Variants in PRPSAP1 observed in about 807,000 individuals in gnomAD.
The protein encoded by PRPSAP1 is phosphoribosyl pyrophosphate synthase-associated protein 1.
In PRPSAP1, 31 loss-of-function variants were observed where a neutral mutation model predicts 39.4. The observed-to-expected ratio is 0.79, with a 90% CI of 0.59 to 1.06. The LOEUF is 1.06. PRPSAP1 is among the 50% of genes least tolerant of loss of function. The pLI, the probability that PRPSAP1 is intolerant of heterozygous loss-of-function variation, is 0.00. For synonymous variants in PRPSAP1, 212 were observed against 192.6 expected (o/e 1.10, Z -0.83); for missense variants, 430 against 511.6 (o/e 0.84, Z 1.54).
At chr17:76,331,167 T>C (rs2071317790) in intron 4 of PRPSAP1, among the ~76,000 whole-genome samples, 1 of 152,210 alleles carries the variant, frequency 6.6e-6, no homozygotes, top group African/African-American at 2.4e-5. Flanking sequence ...GTTTCAAGTA[T>C]TCTTATAGAA....
At chr17:76,332,493 A>G (rs2071333459) in intron 3 of PRPSAP1, 58 bp from the exon 4 acceptor site, 1 of 1,589,296 alleles carries the variant, frequency 6.3e-7, no homozygotes, top group East Asian at 2.2e-5. Context: ...CCTAGAAAAG[A>G]TCTTGACTTT....
intron 7 of PRPSAP1, among the ~76,000 whole-genome samples, chr17:76,315,701 T>C (rs913426940): frequency 9.3e-5 from 4 of 43,142 alleles, no homozygotes; most frequent in East Asian, 1.3e-3. Flanking sequence ...ACCTATCCGC[T>C]TTTTTTTTTT....
chr17:76,348,462 G>C, intron 2 of PRPSAP1, 67 bp downstream of exon 2: 1 of 1,019,406 alleles, frequency 9.8e-7, no homozygotes, highest in Non-Finnish European at 1.3e-6. Context: ...GACAGAGTGA[G>C]GCTCTGTCTC....
At chr17:76,347,423 G>A (rs1225232061) in intron 2 of PRPSAP1, among the ~76,000 whole-genome samples, 1 of 144,418 alleles carries the variant, frequency 6.9e-6, no homozygotes, top group Non-Finnish European at 1.5e-5. Flanking sequence ...GGAGGTGGAG[G>A]TTGCAGTGAG....
chr17:76,349,036 C>G (rs1399198281), intron 1 of PRPSAP1, among the ~76,000 whole-genome samples: 1 of 152,040 alleles, frequency 6.6e-6, no homozygotes, highest in East Asian at 1.9e-4. Context: ...TTTGGCCAGG[C>G]GTGGTGGCTG....
At chr17:76,322,871 A>G (rs2071212500) in intron 7 of PRPSAP1, among the ~76,000 whole-genome samples, 1 of 151,978 alleles carries the variant, frequency 6.6e-6, no homozygotes, top group African/African-American at 2.4e-5. Context: ...CTGTGGTCCC[A>G]GCTTCCAAGC....
intron 5 of PRPSAP1, 58 bp from the exon 6 acceptor site, chr17:76,330,156 T>C (rs1249889935): frequency 6.1e-6 from 9 of 1,463,806 alleles, no homozygotes; most frequent in Non-Finnish European, 8.6e-6. Context: ...AACACCTGGA[T>C]GCTGGTATTC....
intron 7 of PRPSAP1, among the ~76,000 whole-genome samples, chr17:76,327,165 T>A (rs756010111): frequency 6.8e-6 from 1 of 147,452 alleles, no homozygotes; most frequent in African/African-American, 2.5e-5. Context: ...CTGACCAACA[T>A]GGTAAAACCC....
intron 3 of PRPSAP1, among the ~76,000 whole-genome samples, chr17:76,341,210 G>A (rs1405106380): frequency 2.0e-5 from 3 of 148,508 alleles, no homozygotes; most frequent in Non-Finnish European, 4.5e-5. Context: ...CAACGAATTA[G>A]TGTTAACAAT....
At chr17:76,312,776 G>A in intron 9 of PRPSAP1, 94 bp downstream of exon 9, 4 of 1,472,900 alleles carry the variant, frequency 2.7e-6, no homozygotes, top group Non-Finnish European at 3.6e-6. Context: ...AAAAGCTATA[G>A]ACAGATTAAG....
At chr17:76,354,009 C>T, upstream of PRPSAP1, 1 of 1,194,500 alleles carries the variant, frequency 8.4e-7, no homozygotes, top group Non-Finnish European at 1.0e-6. Context: ...TGGCGACTCT[C>T]TAAAAGCCTG....
intron 3 of PRPSAP1, among the ~76,000 whole-genome samples, chr17:76,340,648 T>C (rs1273526258): frequency 2.0e-5 from 3 of 151,956 alleles, no homozygotes; most frequent in Non-Finnish European, 4.4e-5. Flanking sequence ...GCCAGCACTT[T>C]GGGAGGCCGA....
rs1470605832 is a variant in PRPSAP1 at position 76,310,873 on chromosome 17, A to T, written c.*669T>A. ...CCTGGGAAAGTGTTTGTGTCCAGCCACAGACCTGACTGCTGTTCTGTATCC... is the reference window on the plus strand; with the variant it reads ...CCTGGGAAAGTGTTTGTGTCCAGCCTCAGACCTGACTGCTGTTCTGTATCC... On this transcript the variant is annotated 3_prime_UTR_variant, in exon 10 of 10. Transcript: ENST00000446526. 6.6e-6 allele frequency: 1 copy of T among 151,968 alleles called. No homozygotes were observed. The highest frequency in any genetic ancestry group is 1.5e-5 in the Non-Finnish European group (1 of 68,024). 9.4% of individuals were successfully genotyped at this position (151,968 alleles called of 1,614,324 possible). A position where few individuals can be genotyped will look rare whatever the true frequency, so the allele number is the denominator to read the frequency against.
At chr17:76,313,778 G>T in intron 8 of PRPSAP1, 43 bp downstream of exon 8, 2 of 1,603,974 alleles carry the variant, frequency 1.2e-6, no homozygotes, top group Non-Finnish European at 8.5e-7. Context: ...CTGACCAAGA[G>T]CCAGGAGTGC....
At position 76,311,076 on chromosome 17, in the gene PRPSAP1, G is replaced by C. The variant is rs1567795201; in HGVS notation, c.*466C>G. ...GCTGTAGGCATAACAATTTCTGAAA[G>C]AAAAATACGATTCTCTATAAAAGAC... is the stretch of plus-strand genomic sequence containing the variant. On this transcript the variant is annotated 3_prime_UTR_variant, in exon 10 of 10. Coordinates refer to ENST00000446526, the MANE Select transcript of PRPSAP1 (RefSeq NM_002766.3). 6.6e-6 allele frequency: 1 copy of C among 152,404 alleles called. No individual in the cohort carries two copies. Among genetic ancestry groups the C allele is most frequent in the African/African-American group, 2.4e-5 (1 of 41,440 alleles). The allele number at this position is 152,404 out of a possible 1,614,324, so 9.4% of individuals were successfully genotyped here. A position where few individuals can be genotyped will look rare whatever the true frequency, so the allele number is the denominator to read the frequency against.
At chr17:76,354,103 G>A, upstream of PRPSAP1, 1 of 1,022,446 alleles carries the variant, frequency 9.8e-7, no homozygotes, top group Non-Finnish European at 1.2e-6. Flanking sequence ...ACTTTCTTGG[G>A]AGGAGCAGCC....
At chr17:76,349,547 G>C (rs2071545324) in intron 1 of PRPSAP1, among the ~76,000 whole-genome samples, 1 of 152,018 alleles carries the variant, frequency 6.6e-6, no homozygotes, top group African/African-American at 2.4e-5. Context: ...GATCACCTGA[G>C]GTCAGGAGTT....
chr17:76,337,701 G>A (rs1337389784), intron 3 of PRPSAP1, among the ~76,000 whole-genome samples: 1 of 152,152 alleles, frequency 6.6e-6, no homozygotes, highest in Non-Finnish European at 1.5e-5. Flanking sequence ...TGCCTTCCGG[G>A]TTCAATCGAT....
At chr17:76,329,052 G>A (rs1248749967) in intron 6 of PRPSAP1, 190 bp from the exon 7 acceptor site, 1 of 644,180 alleles carries the variant, frequency 1.6e-6, no homozygotes, top group Admixed American at 3.5e-5. Context: ...GTTAGGGTTT[G>A]GGATTGTATC....
Sources: gnomAD v4.1 joint callset for allele counts (sites outside exome capture counted in the v4.1 genomes callset) on GRCh38, gnomAD v4.1.1 for gene constraint, MANE v1.5 for transcripts, NCBI Gene and HGNC (gene_info 2026-07-23, HGNC 2026-07-21) for gene names.